The following UBR3 variants were observed in gnomAD, a reference collection of about 807,000 sequenced individuals.
The protein encoded by UBR3 is ubiquitin protein ligase E3 component n-recognin 3.
In UBR3, 85 loss-of-function variants were observed where a neutral mutation model predicts 243.2. The ratio of observed to expected loss-of-function variants is 0.35; its 90% CI spans 0.29 to 0.42. The LOEUF is 0.42. Among genes scored for constraint, UBR3 ranks in the 10% least tolerant of loss-of-function variants. The probability of loss-of-function intolerance (pLI) is 1.00; values close to 1 mark genes in which losing one functional copy is unlikely to be tolerated. For synonymous variants in UBR3, 748 were observed against 799.8 expected (o/e 0.94, Z 1.09); for missense variants, 1,686 against 2,300.8 (o/e 0.73, Z 5.47).
chr2:169,950,723 C>T (rs932070313), intron 23 of UBR3, among the ~76,000 whole-genome samples: 3 of 151,362 alleles, frequency 2.0e-5, no homozygotes, highest in African/African-American at 7.3e-5. Flanking sequence ...TTTAGTGGTA[C>T]ATTGTTTGCC....
chr2:169,940,859 G>C (rs1302774638), intron 19 of UBR3, among the ~76,000 whole-genome samples: 2 of 152,118 alleles, frequency 1.3e-5, no homozygotes, highest in Non-Finnish European at 2.9e-5. Flanking sequence ...CCAGAAATAA[G>C]TAATTTATAG....
intron 22 of UBR3, among the ~76,000 whole-genome samples, chr2:169,948,705 G>T (rs367994304): frequency 6.6e-6 from 1 of 151,968 alleles, no homozygotes; most frequent in Non-Finnish European, 1.5e-5. Flanking sequence ...CAGCTTGGAT[G>T]TTAAAAAATA....
chr2:169,931,105 AC>A, intron 18 of UBR3, among the ~76,000 whole-genome samples: 1 of 152,344 alleles, frequency 6.6e-6, no homozygotes, highest in South Asian at 2.1e-4. Context: ...TAATCCCAGC[AC>A]TTTGGGAGGC....
intron 25 of UBR3, among the ~76,000 whole-genome samples, chr2:169,991,775 G>T (rs2126351): frequency 4.0e-4 from 61 of 151,808 alleles, no homozygotes; most frequent in Admixed American, 1.8e-3. Flanking sequence ...GTAGAGATGG[G>T]GTTTCACTGT....
At chr2:169,940,099 G>T (rs2105355332) in intron 19 of UBR3, among the ~76,000 whole-genome samples, 1 of 152,158 alleles carries the variant, frequency 6.6e-6, no homozygotes, top group South Asian at 2.1e-4. Context: ...AATGTGTAAT[G>T]ATCAAATCAG....
intron 30 of UBR3, among the ~76,000 whole-genome samples, chr2:170,019,710 T>C (rs1179374678): frequency 6.6e-6 from 1 of 152,086 alleles, no homozygotes; most frequent in Non-Finnish European, 1.5e-5. Context: ...AAAATTATTT[T>C]GACATTAATT....
intron 20 of UBR3, among the ~76,000 whole-genome samples, chr2:169,944,759 C>T (rs766275961): frequency 3.3e-5 from 5 of 151,874 alleles, no homozygotes; most frequent in African/African-American, 4.8e-5. Flanking sequence ...AAGCTGTAAT[C>T]CCACAAGCTG....
chr2:169,960,597 T>A (rs1353353074), intron 24 of UBR3, among the ~76,000 whole-genome samples: 1 of 152,140 alleles, frequency 6.6e-6, no homozygotes, highest in Admixed American at 6.6e-5. Flanking sequence ...ATGTTTAATA[T>A]AATTACAATA....
At chr2:170,070,507 A>C (rs143561796) in intron 35 of UBR3, among the ~76,000 whole-genome samples, 2 of 152,168 alleles carry the variant, frequency 1.3e-5, no homozygotes, top group Non-Finnish European at 2.9e-5. Flanking sequence ...AGAAAAAGAA[A>C]AAAAGACATC....
At chr2:170,072,669 G>A (rs2091725667) in intron 35 of UBR3, among the ~76,000 whole-genome samples, 1 of 152,044 alleles carries the variant, frequency 6.6e-6, no homozygotes, top group African/African-American at 2.4e-5. Context: ...GGAGCTGAGT[G>A]GTCTGAGGTT....
At chr2:169,848,772 G>A (rs1292718154) in intron 1 of UBR3, among the ~76,000 whole-genome samples, 9 of 149,302 alleles carry the variant, frequency 6.0e-5, no homozygotes, top group East Asian at 2.0e-4. Flanking sequence ...GTGTGATCTC[G>A]GCTCACTGCA....
chr2:170,073,107 A>G (rs568421611), intron 35 of UBR3, among the ~76,000 whole-genome samples: 3 of 152,292 alleles, frequency 2.0e-5, no homozygotes, highest in Admixed American at 1.3e-4. Context: ...TTTGCCCCAT[A>G]TTAACATTTG....
At chr2:170,007,914 T>C (rs1422079913) in intron 28 of UBR3, among the ~76,000 whole-genome samples, 1 of 147,326 alleles carries the variant, frequency 6.8e-6, no homozygotes, top group Non-Finnish European at 1.5e-5. Context: ...ATATACTCTG[T>C]GTGTGTGTGT....
At chr2:169,978,384 C>T (rs1288645015) in intron 24 of UBR3, among the ~76,000 whole-genome samples, 4 of 151,996 alleles carry the variant, frequency 2.6e-5, no homozygotes, top group Non-Finnish European at 4.4e-5. Context: ...ATTTAGGTTG[C>T]CACAGAGTCA....
intron 5 of UBR3, among the ~76,000 whole-genome samples, chr2:169,890,571 A>ATATATG (rs2084323317): frequency 8.9e-4 from 93 of 104,802 alleles, no homozygotes; most frequent in Non-Finnish European, 1.1e-3. Context: ...ATATGTGTAT[A>ATATATG]TATATATATG....
At chr2:169,928,961 C>T (rs887359642) in intron 18 of UBR3, 93 bp downstream of exon 18, 71 of 1,113,748 alleles carry the variant, frequency 6.4e-5, no homozygotes, top group Non-Finnish European at 7.3e-5. Flanking sequence ...ACCTTTTATT[C>T]GTTCAAGCTT....
At position 170,073,484 on chromosome 2, in the gene UBR3, C is replaced by T; in HGVS notation, c.5076C>T (p.Tyr1692=). The T allele has an allele frequency of 6.2e-7, 1 of 1,613,808 alleles. No homozygotes were observed. Among genetic ancestry groups the T allele is most frequent in the Middle Eastern group, 1.6e-4 (1 of 6,062 alleles). Residue 1692 remains tyrosine (Y), a synonymous_variant, in exon 36 of 39, where the codon TAC becomes TAT. Coordinates refer to ENST00000272793, the MANE Select transcript of UBR3 (RefSeq NM_172070.4). ...GCCTGGGACTTCTGCCAACGTTTTA[C>T]CAAACAGAACATCCATTCATCAGTG... ...ASCLGLLPTF[Y]QTEHPFISAS... is the part of the protein sequence containing the mutation.
rs369728041 is a variant in UBR3 at position 169,937,193 on chromosome 2, G to A, written c.2663+4185G>A. On this transcript the variant is annotated intron_variant, in intron 19 of 38. Transcript: ENST00000272793. ...GTTGTTTCCTGACTTTTTAATGATCGCCATTCTAACTGGTGTGAGATGGTA... is the reference window on the plus strand; with the variant it reads ...GTTGTTTCCTGACTTTTTAATGATCACCATTCTAACTGGTGTGAGATGGTA... Among the ~76,000 whole-genome samples, 11 of 152,192 alleles carry A rather than the reference G, an allele frequency of 7.2e-5. No homozygotes were observed. The South Asian group carries it at 8.3e-4, about 11-fold the overall frequency.
At chr2:170,000,681 T>C (rs1307569749) in intron 26 of UBR3, among the ~76,000 whole-genome samples, 1 of 152,208 alleles carries the variant, frequency 6.6e-6, no homozygotes, top group East Asian at 1.9e-4. Flanking sequence ...AGTACTTGTA[T>C]CTAATGGTCA....
Sources: gnomAD v4.1 joint callset for allele counts (sites outside exome capture counted in the v4.1 genomes callset) on GRCh38, gnomAD v4.1.1 for gene constraint, MANE v1.5 for transcripts, NCBI Gene and HGNC (gene_info 2026-07-23, HGNC 2026-07-21) for gene names.